DENND5B: variants seen among roughly 807,000 people sequenced by gnomAD.
DENND5B encodes DENN domain containing 5B.
DENND5B carries 34 observed loss-of-function variants against 140.6 expected under a neutral mutation model. The ratio of observed to expected loss-of-function variants is 0.24; its 90% confidence interval spans 0.18 to 0.32. The LOEUF (loss-of-function observed/expected upper bound fraction) is 0.32, where lower values mean the gene tolerates loss of function less well. DENND5B is among the 10% of genes least tolerant of loss of function. The pLI is 1.00. For synonymous variants in DENND5B, 551 were observed against 562.1 expected (o/e 0.98, Z 0.28); for missense variants, 1,142 against 1,560.2 (o/e 0.73, Z 4.52).
chr12:31,403,594 G>A (rs1468070848), intron 14 of DENND5B, among the ~76,000 whole-genome samples: 18 of 114,986 alleles, frequency 1.6e-4, no homozygotes, highest in East Asian at 3.1e-4. Flanking sequence ...CTCTGCCTCA[G>A]AAAAAAAAAA....
chr12:31,539,423 A>G (rs369989960), intron 1 of DENND5B, among the ~76,000 whole-genome samples: 15 of 152,304 alleles, frequency 9.8e-5, no homozygotes, highest in African/African-American at 3.1e-4. Context: ...TACATATTAA[A>G]AGAAAAAAAA....
In DENND5B at chr12:31,590,854, G is replaced by T; in HGVS notation, c.-22C>A. The T allele has an allele frequency of 8.4e-7, 1 of 1,183,992 alleles. No homozygotes were observed. The highest frequency in any genetic ancestry group is 1.0e-6 in the Non-Finnish European group (1 of 959,460). 73.3% of individuals were successfully genotyped at this position (1,183,992 alleles called of 1,614,324 possible). ...TCATCCCGGCCGCGCTGCTCCAGGG[G>T]CCGCCGCCGCCGCCGCCCGGGAAGG... On this transcript the variant is annotated 5_prime_UTR_variant, in exon 1 of 21. Transcript: ENST00000389082.
At chr12:31,548,338 G>A (rs1592024834) in intron 1 of DENND5B, among the ~76,000 whole-genome samples, 2 of 151,562 alleles carry the variant, frequency 1.3e-5, no homozygotes, top group Non-Finnish European at 2.9e-5. Flanking sequence ...AGGCTGCCGT[G>A]AGCTGTGATC....
At chr12:31,434,876 A>G (rs1286284872) in intron 7 of DENND5B, among the ~76,000 whole-genome samples, 1 of 152,118 alleles carries the variant, frequency 6.6e-6, no homozygotes, top group Non-Finnish European at 1.5e-5. Flanking sequence ...GGTCATCCAG[A>G]ACTCCTCTAC....
intron 3 of DENND5B, among the ~76,000 whole-genome samples, chr12:31,460,930 T>C (rs924070844): frequency 6.6e-6 from 1 of 152,178 alleles, no homozygotes. Flanking sequence ...TTCTCCATGT[T>C]GGCCAGGGTG....
intron 3 of DENND5B, among the ~76,000 whole-genome samples, chr12:31,473,349 T>A (rs1468318177): frequency 2.6e-5 from 4 of 152,202 alleles, no homozygotes; most frequent in Non-Finnish European, 5.9e-5. Flanking sequence ...TTAAACACAC[T>A]TTATCTAAAT....
intron 7 of DENND5B, among the ~76,000 whole-genome samples, chr12:31,442,565 C>T (rs1440573235): frequency 6.6e-6 from 1 of 151,516 alleles, no homozygotes; most frequent in Non-Finnish European, 1.5e-5. Flanking sequence ...AAATCTCTAG[C>T]CTTTGTTTTT....
intron 1 of DENND5B, among the ~76,000 whole-genome samples, chr12:31,501,108 C>A (rs1446904015): frequency 1.3e-5 from 2 of 152,180 alleles, no homozygotes; most frequent in African/African-American, 4.8e-5. Context: ...TATGTCCTCA[C>A]CCAAATCTCA....
chr12:31,554,022 G>T (rs1433697715), intron 1 of DENND5B, among the ~76,000 whole-genome samples: 1 of 152,064 alleles, frequency 6.6e-6, no homozygotes, highest in Non-Finnish European at 1.5e-5. Flanking sequence ...TATCCAATTT[G>T]CCAGTCTGTG....
At chr12:31,559,631 C>CA (rs1949406484) in intron 1 of DENND5B, among the ~76,000 whole-genome samples, 1 of 152,004 alleles carries the variant, frequency 6.6e-6, no homozygotes, top group African/African-American at 2.4e-5. Context: ...ATGTAAGAAT[C>CA]TGACAGCACT....
At chr12:31,458,397 C>A (rs1944877568) in intron 4 of DENND5B, among the ~76,000 whole-genome samples, 1 of 152,142 alleles carries the variant, frequency 6.6e-6, no homozygotes, top group African/African-American at 2.4e-5. Context: ...ATGCATTTGG[C>A]TAGTCTATTT....
chr12:31,413,439 G>A lies in DENND5B; in HGVS notation c.2678C>T (p.Thr893Ile). ...LKQLLSNQPL[T>I]KKLYKRYAFL... ...TGTATCAAAGATGGTATCTTACTTG[G>A]TGAGTGGTTGGTTAGAAAGCAACTG... The change falls in exon 13 of 21, where the codon ACC becomes ATC. Residue 893 changes from threonine to isoleucine, a missense_variant. Physicochemically the swap from Thr to Ile is moderately conservative, Grantham distance 89. Around this residue, in one of 5 missense-constraint regions of DENND5B, gnomAD observed 268 missense variants for 349.2 expected, o/e 0.77. Transcript: ENST00000389082. 2 of 1,611,950 alleles carry A rather than the reference G, an allele frequency of 1.2e-6. No homozygotes were observed. Among genetic ancestry groups the A allele is most frequent in the Non-Finnish European group, 1.7e-6 (2 of 1,178,722 alleles).
chr12:31,587,526 C>CTTTTT lies in DENND5B; in HGVS notation c.127+3175_127+3179dup, dbSNP rs71460995. Among the ~76,000 whole-genome samples, 17 of 75,038 alleles carry CTTTTT rather than the reference C, an allele frequency of 2.3e-4. 2 individuals are homozygous for CTTTTT. Among genetic ancestry groups the CTTTTT allele is most frequent in the Admixed American group, 4.1e-4 (2 of 4,826 alleles). The allele number at this position is 75,038 out of a possible 152,430, so 49.2% of individuals were successfully genotyped here. On this transcript the variant is annotated intron_variant, in intron 1 of 20. Transcript: ENST00000389082. Reference sequence around the variant, plus strand: ...CAACAACTTCTCTCACCACAAATACCTTTTTTTTTTTTTTTTTTTTTTTTT... The same window carrying CTTTTT: ...CAACAACTTCTCTCACCACAAATACCTTTTTTTTTTTTTTTTTTTTTTTTTTTTTT...
chr12:31,462,264 G>A (rs1311575206), intron 3 of DENND5B, among the ~76,000 whole-genome samples: 1 of 145,602 alleles, frequency 6.9e-6, no homozygotes, highest in Non-Finnish European at 1.5e-5. Flanking sequence ...GGTAGTAGAG[G>A]AGATCAGAAA....
At chr12:31,398,440 G>A in intron 16 of DENND5B, 78 bp from the exon 17 acceptor site, 2 of 1,364,874 alleles carry the variant, frequency 1.5e-6, no homozygotes, top group Non-Finnish European at 2.0e-6. Flanking sequence ...GAGTAGTTGA[G>A]ACTACAGGTG....
At chr12:31,568,282 A>C (rs1052455233) in intron 1 of DENND5B, among the ~76,000 whole-genome samples, 6 of 152,220 alleles carry the variant, frequency 3.9e-5, no homozygotes, top group African/African-American at 7.2e-5. Context: ...ACCCTTAAGA[A>C]ATCTCATTAT....
intron 16 of DENND5B, among the ~76,000 whole-genome samples, chr12:31,399,114 C>T (rs1181672790): frequency 1.6e-4 from 17 of 103,730 alleles, no homozygotes; most frequent in Non-Finnish European, 2.9e-4. Flanking sequence ...AAGAGTGAAA[C>T]TCTGTCTCAG....
Position 31,387,440 on chromosome 12 carries a change from AC to A in DENND5B, c.*162del. 1.6e-6 allele frequency: 1 copy of A among 610,312 alleles called. No homozygotes were observed. Among genetic ancestry groups the A allele is most frequent in the Non-Finnish European group, 2.8e-6 (1 of 362,110 alleles). 37.8% of individuals were successfully genotyped at this position (610,312 alleles called of 1,614,324 possible). A position where few individuals can be genotyped will look rare whatever the true frequency, so the allele number is the denominator to read the frequency against. ...TATACTAAATTCCAGGTTCAAATGAACTACAATACAACATTTTGCCTTGTCT... is the reference window on the plus strand; with the variant it reads ...TATACTAAATTCCAGGTTCAAATGAATACAATACAACATTTTGCCTTGTCT... On this transcript the variant is annotated 3_prime_UTR_variant, in exon 21 of 21. Transcript: ENST00000389082.
intron 6 of DENND5B, 38 bp downstream of exon 6, chr12:31,447,500 T>A: frequency 1.3e-6 from 2 of 1,551,666 alleles, no homozygotes; most frequent in Non-Finnish European, 1.7e-6. Flanking sequence ...AAAGCGATAA[T>A]GGATTTTAAT....
Sources: allele counts gnomAD v4.1 joint callset (sites outside exome capture counted in the v4.1 genomes callset), GRCh38; gene constraint gnomAD v4.1.1; regional missense constraint gnomAD v4.1.1; transcripts MANE v1.5; gene names NCBI Gene and HGNC (gene_info 2026-07-23, HGNC 2026-07-21).